PLAT: variants seen among roughly 807,000 people sequenced by gnomAD.
PLAT encodes the protein plasminogen activator, tissue type, also known as tissue-type plasminogen activator.
Under a neutral mutation model 74.9 loss-of-function variants are expected in PLAT, and 48 were observed. That is an observed-to-expected ratio of 0.64 (90% CI 0.51 to 0.82). The LOEUF is 0.82. Ranked by LOEUF, PLAT falls within the 40% of genes least tolerant of loss-of-function variation. The pLI, the probability that PLAT is intolerant of heterozygous loss-of-function variation, is 0.00. For missense variants in PLAT, 673 were observed against 736.2 expected, an observed-to-expected ratio of 0.91 and a Z score of 0.99; for synonymous variants, 307 against 294.4, an observed-to-expected ratio of 1.04 and a Z score of -0.44.
At chr8:42,191,321 C>T (rs770345914) in intron 3 of PLAT, 51 bp downstream of exon 3, 47 of 1,530,774 alleles carry the variant, frequency 3.1e-5, no homozygotes, top group South Asian at 6.7e-5. Context: ...CCCTGCACCC[C>T]GCCCTGCCTC....
chr8:42,187,890 G>A lies in PLAT; in HGVS notation c.364+16C>T, dbSNP rs1446126761. The stretch of plus-strand genomic sequence containing the variant: ...GGTGGGATTTCAGCTCGTTTCACGT[G>A]CTCTCACCTACTCACCTATTTCACA... On this transcript the variant is annotated intron_variant, in intron 5 of 13. Coordinates refer to ENST00000220809, the MANE Select transcript of PLAT (RefSeq NM_000930.5). 2.7e-6 allele frequency: 4 copies of A among 1,490,204 alleles called. No homozygotes were observed. The highest frequency in any genetic ancestry group is 1.9e-6 in the Non-Finnish European group (2 of 1,067,488). The allele number at this position is 1,490,204 out of a possible 1,614,324, so 92.3% of individuals were successfully genotyped here. A position where few individuals can be genotyped will look rare whatever the true frequency, so the allele number is the denominator to read the frequency against.
intron 1 of PLAT, among the ~76,000 whole-genome samples, chr8:42,197,207 T>C (rs1418781508): frequency 1.3e-5 from 2 of 152,206 alleles, no homozygotes; most frequent in African/African-American, 4.8e-5. Flanking sequence ...CTGAAGGATG[T>C]GTGTGTAGGC....
chr8:42,176,779 CAT>C (rs1804989057), intron 13 of PLAT, among the ~76,000 whole-genome samples: 2 of 152,134 alleles, frequency 1.3e-5, no homozygotes, highest in Non-Finnish European at 2.9e-5. Flanking sequence ...TTATGGCCGC[CAT>C]CATTCACTTA....
chr8:42,187,863 G>A (rs771851992), intron 5 of PLAT, 43 bp downstream of exon 5: 1 of 1,275,722 alleles, frequency 7.8e-7, no homozygotes, highest in African/African-American at 1.5e-5. Flanking sequence ...GGAGACTGGA[G>A]AGGTGGGATT....
intron 9 of PLAT, 27 bp downstream of exon 9, chr8:42,181,910 G>A: frequency 2.1e-6 from 3 of 1,423,252 alleles, no homozygotes; most frequent in Non-Finnish European, 3.0e-6. Context: ...ACCAGGTGCA[G>A]GGAGGCAGCC....
chr8:42,197,235 A>G (rs906920263), intron 1 of PLAT, among the ~76,000 whole-genome samples: 2 of 152,234 alleles, frequency 1.3e-5, no homozygotes, highest in African/African-American at 4.8e-5. Context: ...TGTAGGACAC[A>G]GCCAGCATAT....
At chr8:42,195,083 C>T (rs1025186902) in intron 1 of PLAT, among the ~76,000 whole-genome samples, 15 of 152,280 alleles carry the variant, frequency 9.9e-5, no homozygotes, top group South Asian at 2.1e-4. Context: ...ACTCATTTCC[C>T]TTCGGTCACA....
At chr8:42,205,907 G>A (rs1806313396) in intron 1 of PLAT, among the ~76,000 whole-genome samples, 1 of 152,234 alleles carries the variant, frequency 6.6e-6, no homozygotes, top group South Asian at 2.1e-4. Flanking sequence ...ACAAAGGAGT[G>A]CCTGACTGTT....
chr8:42,187,438 C>T lies in PLAT; in HGVS notation c.499G>A (p.Asp167Asn). The change falls in exon 6 of 14, where the codon GAC (aspartate) becomes AAC (asparagine). Residue 167 changes from aspartate (D) to asparagine (N), a missense_variant. Asp to Asn is a conservative substitution (Grantham distance 23). Transcript: ENST00000220809. ...TTCCCCAGGCCCAGCCTGATGGCGT[C>T]TGGCCTCCGCCCGCTGTAGGGCTTC... The part of the protein sequence containing the change: ...AQKPYSGRRP[D>N]AIRLGLGNHN... The T allele has an allele frequency of 6.2e-7, 1 of 1,601,632 alleles. No individual in the cohort carries two copies. The highest frequency in any genetic ancestry group is 8.5e-7 in the Non-Finnish European group (1 of 1,178,270).
intron 1 of PLAT, among the ~76,000 whole-genome samples, chr8:42,196,835 G>GA (rs3216302): frequency 0.036 from 4,918 of 138,248 alleles, 284 homozygotes; most frequent in African/African-American, 0.12. Context: ...TCAAAGAACT[G>GA]AAAAAAAAAA....
At chr8:42,187,306 T>TC in intron 6 of PLAT, 92 bp downstream of exon 6, 1 of 1,146,874 alleles carries the variant, frequency 8.7e-7, no homozygotes, top group Non-Finnish European at 1.2e-6. Flanking sequence ...TGGTTATGTT[T>TC]CTTGGGAGAA....
intron 7 of PLAT, among the ~76,000 whole-genome samples, chr8:42,184,187 C>T (rs1216933336): frequency 3.3e-5 from 5 of 152,028 alleles, no homozygotes; most frequent in Non-Finnish European, 7.4e-5. Flanking sequence ...GCAGTTCTCC[C>T]GCCTCAGCCT....
At chr8:42,205,284 CG>C (rs1196696874) in intron 1 of PLAT, among the ~76,000 whole-genome samples, 1 of 152,124 alleles carries the variant, frequency 6.6e-6, no homozygotes, top group East Asian at 1.9e-4. Flanking sequence ...CCCAGCACTT[CG>C]GGGGGCCGAG....
rs779301553 is a variant in PLAT, at chr8:42,180,633, C to T, written c.942G>A (p.Gly314=). ...GGTGGGAGGCGATGTCGGCGAAGAG[C>T]CCTCCTTTGATGCGAAACTGAGGCT... is the stretch of plus-strand genomic sequence containing the variant. The part of the protein sequence containing the change: ...YSQPQFRIKG[G]LFADIASHPW... Residue 314 remains glycine (G), a synonymous_variant, in exon 10 of 14, where the codon GGG becomes GGA. Coordinates refer to ENST00000220809, the MANE Select transcript of PLAT (RefSeq NM_000930.5). 8 of 1,609,088 alleles carry T rather than the reference C, an allele frequency of 5.0e-6. No homozygotes were observed. The Admixed American group carries it at 8.4e-5, about 17-fold the overall frequency.
intron 1 of PLAT, among the ~76,000 whole-genome samples, chr8:42,201,482 C>T (rs974902524): frequency 3.3e-5 from 5 of 152,128 alleles, no homozygotes; most frequent in Non-Finnish European, 7.4e-5. Flanking sequence ...AGAGATGCCA[C>T]GCTTCATGGG....
Position 42,174,873 on chromosome 8 carries a change from TGGAGA to T in PLAT, c.*1115_*1119del, listed in dbSNP as rs936372381. ...GGCCCTCTACATATTCATACCTCCA[TGGAGA>T]GTGCCTTTTCCACACCTGTCCACAG... On this transcript the variant is annotated 3_prime_UTR_variant, in exon 14 of 14. Transcript: ENST00000220809. Among the ~76,000 whole-genome samples, 1 of 152,214 alleles carries T rather than the reference TGGAGA, an allele frequency of 6.6e-6. No individual in the cohort carries two copies. The highest frequency in any genetic ancestry group is 2.4e-5 in the African/African-American group (1 of 41,460).
chr8:42,207,091 C>G (rs6980538), intron 1 of PLAT, among the ~76,000 whole-genome samples: 1 of 152,092 alleles, frequency 6.6e-6, no homozygotes, highest in Admixed American at 6.5e-5. Context: ...GGGGACCCAG[C>G]GGGCCCTCCC....
Position 42,175,937 on chromosome 8 carries a change from T to C in PLAT, c.*56A>G, listed in dbSNP as rs1252960923. On this transcript the variant is annotated 3_prime_UTR_variant, in exon 14 of 14. Transcript: ENST00000220809. ...AGAAGCACTGCGCCTTTGCAGTGTCTTCTGAAGAAGAAGAGGCGGGATCTC... is the reference window on the plus strand; with the variant it reads ...AGAAGCACTGCGCCTTTGCAGTGTCCTCTGAAGAAGAAGAGGCGGGATCTC... 6.3e-7 allele frequency: 1 copy of C among 1,587,444 alleles called. No homozygotes were observed. The highest frequency in any genetic ancestry group is 1.1e-5 in the South Asian group (1 of 88,596).
Position 42,182,845 on chromosome 8 carries a change from G to A in PLAT, c.677C>T (p.Thr226Met), listed in dbSNP as rs777692567. 18 of 1,613,690 alleles carry A rather than the reference G, an allele frequency of 1.1e-5. No homozygotes were observed. The highest frequency in any genetic ancestry group is 9.9e-5 in the South Asian group (9 of 91,070). The change falls in exon 8 of 14, where the codon ACG becomes ATG. Residue 226 changes from threonine (T) to methionine (M), a missense_variant. Coordinates refer to ENST00000220809, the MANE Select transcript of PLAT (RefSeq NM_000930.5). Reference sequence around the variant, plus strand: ...GGCACCCGACTCGGTGAGGCTGTGCGTGCCACGGTAGGCTGACCCATTCCC... The same window carrying A: ...GGCACCCGACTCGGTGAGGCTGTGCATGCCACGGTAGGCTGACCCATTCCC... ...YFGNGSAYRG[T>M]HSLTESGASC...
Sources: allele counts gnomAD v4.1 joint callset (sites outside exome capture counted in the v4.1 genomes callset), GRCh38; gene constraint gnomAD v4.1.1; transcripts MANE v1.5; gene names NCBI Gene and HGNC (gene_info 2026-07-23, HGNC 2026-07-21).